SNX32: variants seen among roughly 807,000 people sequenced by gnomAD.
The protein encoded by SNX32 is sorting nexin-32.
Under a neutral mutation model 57.0 loss-of-function variants are expected in SNX32, and 58 were observed. That is an observed-to-expected ratio of 1.02 (90% CI 0.82 to 1.27). The LOEUF (loss-of-function observed/expected upper bound fraction) is 1.27. Among genes scored for constraint, SNX32 ranks in the 50% most tolerant of loss-of-function variants. The probability of loss-of-function intolerance (pLI) is 0.00; values close to 1 mark genes in which losing one functional copy is unlikely to be tolerated. For synonymous variants in SNX32, 262 were observed against 220.4 expected (o/e 1.19, Z -1.67); for missense variants, 589 against 541.2 (o/e 1.09, Z -0.88).
intron 12 of SNX32, 101 bp downstream of exon 12, chr11:65,853,059 G>GC (rs1859271464): frequency 1.5e-6 from 2 of 1,344,792 alleles, no homozygotes; most frequent in Admixed American, 1.7e-5. Context: ...GGGTGTGCAC[G>GC]CATGTATGCG....
At chr11:65,853,135 T>TAG in intron 12 of SNX32, 147 bp from the exon 13 acceptor site, 1 of 1,316,958 alleles carries the variant, frequency 7.6e-7, no homozygotes, top group South Asian at 1.2e-5. Flanking sequence ...TCAGGACCCG[T>TAG]GCCTTCTGGG....
chr11:65,845,794 T>G (rs1162130032), intron 1 of SNX32, among the ~76,000 whole-genome samples: 2 of 152,084 alleles, frequency 1.3e-5, no homozygotes, highest in Non-Finnish European at 2.9e-5. Flanking sequence ...AGCCAAAAAC[T>G]TGAAATAATC....
At chr11:65,845,583 A>G (rs938400462) in intron 1 of SNX32, among the ~76,000 whole-genome samples, 35 of 152,022 alleles carry the variant, frequency 2.3e-4, no homozygotes, top group Non-Finnish European at 7.4e-5. Flanking sequence ...CTAAAAATGC[A>G]AAAAATTAGC....
chr11:65,851,402 A>T lies in SNX32; in HGVS notation c.784A>T (p.Thr262Ser). Reference protein sequence around the residue: ...LGTQEVNQLRTSFLKLAELFE... With the variant: ...LGTQEVNQLRSSFLKLAELFE... ...AACACAGGAAGTCAACCAGCTAAGGACGTGAGGACTCCCCCCACCCCTACC... is the reference window on the plus strand; with the variant it reads ...AACACAGGAAGTCAACCAGCTAAGGTCGTGAGGACTCCCCCCACCCCTACC... The change falls in exon 8 of 13, where the codon ACG (threonine) becomes TCG (serine). Residue 262 changes from threonine (T) to serine (S), a missense_variant and splice_region_variant. Physicochemically the swap from Thr to Ser is moderately conservative, Grantham distance 58 (BLOSUM62 1). Coordinates refer to ENST00000308342, the MANE Select transcript of SNX32 (RefSeq NM_152760.3). 1 of 1,614,074 alleles carries T rather than the reference A, an allele frequency of 6.2e-7. No individual in the cohort carries two copies. Among genetic ancestry groups the T allele is most frequent in the Non-Finnish European group, 8.5e-7 (1 of 1,179,964 alleles).
At position 65,853,480 on chromosome 11, in the gene SNX32, CA is replaced by C. The variant is rs1859295617; in HGVS notation, c.*148del. ...GCCCCACATCCTCTCAGGGAAAGCC[CA>C]AACCCCCTATCACCACCACCACAGG... On this transcript the variant is annotated 3_prime_UTR_variant, in exon 13 of 13. Coordinates refer to ENST00000308342, the MANE Select transcript of SNX32 (RefSeq NM_152760.3). 2 of 803,222 alleles carry C rather than the reference CA, an allele frequency of 2.5e-6. No individual in the cohort carries two copies. Among genetic ancestry groups the C allele is most frequent in the Non-Finnish European group, 4.1e-6 (2 of 488,772 alleles). 49.8% of individuals were successfully genotyped at this position (803,222 alleles called of 1,614,324 possible).
At chr11:65,849,846 A>G in intron 2 of SNX32, 74 bp from the exon 3 acceptor site, 2 of 1,280,448 alleles carry the variant, frequency 1.6e-6, no homozygotes, top group East Asian at 2.4e-5. Context: ...GGGGGGCCCA[A>G]AAGTGCATGC....
In SNX32 at chr11:65,852,687, C is replaced by T. The variant is rs754549143; in HGVS notation, c.970C>T (p.Leu324=). The change falls in exon 11 of 13, where the codon CTG becomes TTG. Residue 324 remains leucine, a synonymous_variant. Coordinates refer to ENST00000308342, the MANE Select transcript of SNX32 (RefSeq NM_152760.3). ...CGACTACGAGAATGCCAACAAGGCGCTGGACAAGGCGCGCACCAGGAACCG... is the reference window on the plus strand; with the variant it reads ...CGACTACGAGAATGCCAACAAGGCGTTGGACAAGGCGCGCACCAGGAACCG... ...LADYENANKA[L]DKARTRNREV... is the part of the protein sequence containing the mutation. The T allele has an allele frequency of 5.6e-6, 9 of 1,596,888 alleles. 1 individual carries two copies. Among genetic ancestry groups the T allele is most frequent in the Non-Finnish European group, 7.7e-6 (9 of 1,174,914 alleles).
intron 1 of SNX32, among the ~76,000 whole-genome samples, chr11:65,839,225 A>ATTTTTTTTGTATTTT (rs1858759311): frequency 3.6e-5 from 1 of 27,640 alleles, no homozygotes; most frequent in African/African-American, 1.5e-4. Context: ...ATTTTTTTGT[A>ATTTTTTTTGTATTTT]TTTTTTTTTT....
Position 65,837,817 on chromosome 11 carries a change from C to CAAAAA in SNX32, c.36+3732_36+3736dup, listed in dbSNP as rs774242704. On this transcript the variant is annotated intron_variant, in intron 1 of 12. Coordinates refer to ENST00000308342, the MANE Select transcript of SNX32 (RefSeq NM_152760.3). ...CCTGGGCAACAGGGCAAGACTCTCT[C>CAAAAA]AAAAAAAAAAAAAAAAAAAACGAAG... 2.2e-3 allele frequency among the ~76,000 whole-genome samples: 156 copies of CAAAAA among 70,944 alleles called. 9 individuals are homozygous for CAAAAA. The highest frequency in any genetic ancestry group is 2.7e-3 in the Non-Finnish European group (112 of 40,906). The allele number at this position is 70,944 out of a possible 152,430, so 46.5% of individuals were successfully genotyped here.
At chr11:65,842,628 G>A (rs935981859) in intron 1 of SNX32, among the ~76,000 whole-genome samples, 7 of 151,848 alleles carry the variant, frequency 4.6e-5, no homozygotes, top group Admixed American at 2.0e-4. Flanking sequence ...ACTCCAGCCT[G>A]GGTGACAAAG....
rs1859234597 is a variant in SNX32, at chr11:65,852,536, C to T, written c.897C>T (p.Asp299=). ...LSDMLRYYMR[D]SQAAKDLLYR... Reference sequence around the variant, plus strand: ...ACATGCTGAGGTACTACATGCGTGACTCACAGGCAGCCAAGGTGAGAGGCA... The same window carrying T: ...ACATGCTGAGGTACTACATGCGTGATTCACAGGCAGCCAAGGTGAGAGGCA... The change falls in exon 10 of 13, where the codon GAC becomes GAT. Residue 299 remains aspartate, a synonymous_variant. Transcript: ENST00000308342. The T allele has an allele frequency of 1.2e-6, 2 of 1,614,220 alleles. No homozygotes were observed. The highest frequency in any genetic ancestry group is 1.7e-6 in the Non-Finnish European group (2 of 1,180,036).
At chr11:65,835,862 G>A (rs1858656416) in intron 1 of SNX32, among the ~76,000 whole-genome samples, 1 of 152,022 alleles carries the variant, frequency 6.6e-6, no homozygotes, top group Non-Finnish European at 1.5e-5. Context: ...GGGGCTGAGA[G>A]ACACAAAGCA....
chr11:65,853,208 C>G, intron 12 of SNX32, 74 bp from the exon 13 acceptor site: 1 of 1,593,488 alleles, frequency 6.3e-7, no homozygotes, highest in Admixed American at 1.7e-5. Flanking sequence ...AGCGAGGGAG[C>G]ATCTAAGGTG....
chr11:65,844,702 C>T (rs530996339), intron 1 of SNX32, among the ~76,000 whole-genome samples: 33 of 152,156 alleles, frequency 2.2e-4, no homozygotes, highest in African/African-American at 7.7e-4. Flanking sequence ...CGTGGTGGCT[C>T]ACATCTGTAA....
At chr11:65,847,026 T>TC (rs397710564) in intron 1 of SNX32, among the ~76,000 whole-genome samples, 1 of 150,612 alleles carries the variant, frequency 6.6e-6, no homozygotes, top group African/African-American at 2.4e-5. Flanking sequence ...TTTTTTTTTT[T>TC]AGACAGTTTC....
At position 65,851,148 on chromosome 11, in the gene SNX32, C is replaced by A. The variant is rs147615662; in HGVS notation, c.697C>A (p.Arg233Ser). 6.2e-7 allele frequency: 1 copy of A among 1,612,422 alleles called. No homozygotes were observed. The change falls in exon 7 of 13, where the codon CGC (arginine) becomes AGC (serine). Residue 233 changes from arginine (R) to serine (S), a missense_variant. Arg to Ser is a moderately radical substitution (Grantham distance 110). Coordinates refer to ENST00000308342, the MANE Select transcript of SNX32 (RefSeq NM_152760.3). ...DACLRADRVMRAHKCLADDYI... is the reference protein window; with the variant it reads ...DACLRADRVMSAHKCLADDYI... ...CTGCCTGCGGGCCGACCGCGTCATG[C>A]GCGCCCACAAGTGTACGCAGGGCCC...
At chr11:65,835,479 C>T (rs1858644435) in intron 1 of SNX32, 1 of 152,150 alleles carries the variant, frequency 6.6e-6, no homozygotes. Flanking sequence ...AATGATAAGA[C>T]CATTTCTTCC....
chr11:65,848,948 G>T (rs1253781199), intron 1 of SNX32, among the ~76,000 whole-genome samples: 1 of 152,060 alleles, frequency 6.6e-6, no homozygotes, highest in Non-Finnish European at 1.5e-5. Flanking sequence ...TTTGAGACCA[G>T]CCTGACCAAA....
rs776813322 is a variant in SNX32, at chr11:65,852,668, C to T, written c.951C>T (p.Tyr317=). The change falls in exon 11 of 13, where the codon TAC becomes TAT. Residue 317 remains tyrosine (Y), a synonymous_variant. Transcript: ENST00000308342. The stretch of plus-strand genomic sequence containing the variant: ...GGCGGCTGCGGGCACTGGCCGACTA[C>T]GAGAATGCCAACAAGGCGCTGGACA... The part of the protein sequence containing the change: ...LYRRLRALAD[Y]ENANKALDKA... 9.4e-6 allele frequency: 15 copies of T among 1,599,066 alleles called. No individual in the cohort carries two copies. Among genetic ancestry groups the T allele is most frequent in the Admixed American group, 5.2e-5 (3 of 57,672 alleles).
Sources: allele counts gnomAD v4.1 joint callset (sites outside exome capture counted in the v4.1 genomes callset), GRCh38; gene constraint gnomAD v4.1.1; transcripts MANE v1.5; gene names NCBI Gene and HGNC (gene_info 2026-07-23, HGNC 2026-07-21).